MACROD2: variants seen among roughly 807,000 people sequenced by gnomAD.
MACROD2 encodes ADP-ribose glycohydrolase MACROD2.
In MACROD2, 36 loss-of-function variants were observed where a neutral mutation model predicts 70.4. The ratio of observed to expected loss-of-function variants is 0.51; its 90% confidence interval spans 0.39 to 0.68. The LOEUF is 0.68. Among genes scored for constraint, MACROD2 ranks in the 30% least tolerant of loss-of-function variants. MACROD2 has a pLI of 0.00. For missense variants in MACROD2, 496 were observed against 538.4 expected (o/e 0.92, Z 0.78); for synonymous variants, 172 against 178.8 (o/e 0.96, Z 0.30).
At chr20:14,100,802 G>T (rs1037812217) in intron 3 of MACROD2, among the ~76,000 whole-genome samples, 144 of 127,874 alleles carry the variant, frequency 1.1e-3, no homozygotes, top group African/African-American at 4.0e-3. Context: ...TATTATATAT[G>T]ATATATAATC....
In MACROD2 at chr20:14,210,306, A is replaced by G. The variant is rs554342351; in HGVS notation, c.271+124578A>G. 3.0e-3 allele frequency among the ~76,000 whole-genome samples: 457 copies of G among 152,340 alleles called. 2 individuals carry two copies. The highest frequency in any genetic ancestry group is 0.01 in the African/African-American group (431 of 41,592). ...CTAGAGAAAATACCAGGAAGCTAGC[A>G]GCTGGGGTAATGTCAGAGGTAGAAT... is the stretch of plus-strand genomic sequence containing the variant. On this transcript the variant is annotated intron_variant, in intron 3 of 17. Transcript: ENST00000684519.
rs1167566790 is a variant in MACROD2 at position 14,401,719 on chromosome 20, T to C, written c.272-91760T>C. Among the ~76,000 whole-genome samples the C allele has an allele frequency of 7.9e-5, 12 of 152,308 alleles. No homozygotes were observed. The East Asian group carries it at 2.3e-3, about 29-fold the overall frequency. ...GTGAAAAGGCATCTCATGGTGGTTT[T>C]GTTGGTTCACAGATCTGTCTGTTTT... On this transcript the variant is annotated intron_variant, in intron 3 of 17. Coordinates refer to ENST00000684519, the MANE Select transcript of MACROD2 (RefSeq NM_001351661.2).
intron 6 of MACROD2, among the ~76,000 whole-genome samples, chr20:15,399,829 A>AT (rs1330332050): frequency 6.6e-6 from 1 of 152,208 alleles, no homozygotes; most frequent in East Asian, 1.9e-4. Context: ...TTAAGTTGAA[A>AT]AGGCCTCCAA....
chr20:14,540,323 A>T (rs1257310337), intron 4 of MACROD2, among the ~76,000 whole-genome samples: 3 of 152,166 alleles, frequency 2.0e-5, no homozygotes, highest in Non-Finnish European at 4.4e-5. Context: ...TGAAGTGTTT[A>T]TGTCAAGGCA....
At chr20:14,663,289 A>T (rs1986320568) in intron 4 of MACROD2, among the ~76,000 whole-genome samples, 1 of 151,928 alleles carries the variant, frequency 6.6e-6, no homozygotes, top group South Asian at 2.1e-4. Flanking sequence ...ATAAGAACAC[A>T]TGGATACATG....
intron 8 of MACROD2, among the ~76,000 whole-genome samples, chr20:15,607,022 T>C (rs866979505): frequency 5.8e-5 from 8 of 137,236 alleles, no homozygotes; most frequent in Non-Finnish European, 1.1e-4. Flanking sequence ...AAAAAAAAAA[T>C]TGGGAAACTA....
intron 8 of MACROD2, among the ~76,000 whole-genome samples, chr20:15,502,418 TAGAC>T (rs1214326463): frequency 2.0e-5 from 3 of 152,098 alleles, no homozygotes; most frequent in East Asian, 1.9e-4. Context: ...TTTGGAGAAA[TAGAC>T]AGAGTCAGAT....
At chr20:15,910,394 A>ATG (rs3072220) in intron 10 of MACROD2, among the ~76,000 whole-genome samples, 22,675 of 146,240 alleles carry the variant, frequency 0.16, 1,988 homozygotes, top group African/African-American at 0.26. Flanking sequence ...GTCAGAGGAC[A>ATG]TGTGTGTGTG....
chr20:14,755,029 C>A (rs781535649), intron 5 of MACROD2, among the ~76,000 whole-genome samples: 18 of 152,036 alleles, frequency 1.2e-4, no homozygotes, highest in Non-Finnish European at 1.9e-4. Flanking sequence ...CACTTATCAG[C>A]TGAAAACAGC....
chr20:16,033,796 C>T (rs891886242), intron 15 of MACROD2, among the ~76,000 whole-genome samples: 5 of 150,194 alleles, frequency 3.3e-5, no homozygotes, highest in Admixed American at 6.7e-5. Context: ...ATAGTGACAC[C>T]TCTGAGAAAG....
chr20:14,438,730 A>G (rs1043237977), intron 3 of MACROD2, among the ~76,000 whole-genome samples: 1 of 152,136 alleles, frequency 6.6e-6, no homozygotes, highest in African/African-American at 2.4e-5. Flanking sequence ...TGCATATTCA[A>G]GTTCTTCGCC....
intron 8 of MACROD2, among the ~76,000 whole-genome samples, chr20:15,841,779 C>G (rs2064173425): frequency 1.3e-5 from 2 of 152,030 alleles, no homozygotes; most frequent in South Asian, 4.1e-4. Flanking sequence ...GGCTGTGGTG[C>G]TTGACTAGAA....
intron 6 of MACROD2, among the ~76,000 whole-genome samples, chr20:15,266,040 T>C (rs540571954): frequency 4.6e-5 from 7 of 152,340 alleles, no homozygotes; most frequent in Admixed American, 3.9e-4. Flanking sequence ...ATGATCGGGT[T>C]TCAAAATACT....
At chr20:15,927,678 T>C (rs1290158288) in intron 10 of MACROD2, among the ~76,000 whole-genome samples, 1 of 152,182 alleles carries the variant, frequency 6.6e-6, no homozygotes, top group Admixed American at 6.5e-5. Context: ...CACCTTTTTA[T>C]CTGCACTAAA....
chr20:15,886,439 T>A (rs941636389), intron 10 of MACROD2, among the ~76,000 whole-genome samples: 2 of 152,176 alleles, frequency 1.3e-5, no homozygotes, highest in East Asian at 3.8e-4. Context: ...TTCTTTGGAA[T>A]AGTCACAAGC....
intron 5 of MACROD2, among the ~76,000 whole-genome samples, chr20:14,920,586 G>A (rs1156670467): frequency 6.6e-6 from 1 of 151,910 alleles, no homozygotes; most frequent in Non-Finnish European, 1.5e-5. Context: ...CTTTTTCAAG[G>A]TATTTATAGA....
chr20:16,036,777 A>G (rs185007668), intron 15 of MACROD2, among the ~76,000 whole-genome samples: 1 of 152,116 alleles, frequency 6.6e-6, no homozygotes, highest in African/African-American at 2.4e-5. Context: ...TTCCTCTCCC[A>G]CTTTCCAAAC....
intron 8 of MACROD2, among the ~76,000 whole-genome samples, chr20:15,810,128 C>T (rs1405589272): frequency 2.0e-5 from 3 of 150,156 alleles, no homozygotes; most frequent in African/African-American, 2.5e-5. Flanking sequence ...GGTTTTTTGT[C>T]CTTGCGATAG....
At chr20:14,519,678 A>G (rs1421795580) in intron 4 of MACROD2, among the ~76,000 whole-genome samples, 1 of 152,192 alleles carries the variant, frequency 6.6e-6, no homozygotes, top group Non-Finnish European at 1.5e-5. Context: ...AGAGCTAAAA[A>G]CAGAATTACC....
Sources: allele counts gnomAD v4.1 joint callset (sites outside exome capture counted in the v4.1 genomes callset), GRCh38; gene constraint gnomAD v4.1.1; transcripts MANE v1.5; gene names NCBI Gene and HGNC (gene_info 2026-07-23, HGNC 2026-07-21).